The following ADAMTS3 variants were observed in gnomAD, a reference collection of about 807,000 sequenced individuals.
ADAMTS3 encodes the protein A disintegrin and metalloproteinase with thrombospondin motifs 3.
In ADAMTS3, 73 loss-of-function variants were observed where a neutral mutation model predicts 129.0. That is an observed-to-expected ratio of 0.57 (90% CI 0.47 to 0.69). The LOEUF (loss-of-function observed/expected upper bound fraction) is 0.69. Among genes scored for constraint, ADAMTS3 ranks in the 30% least tolerant of loss-of-function variants. The pLI, the probability that ADAMTS3 is intolerant of heterozygous loss-of-function variation, is 0.00. For synonymous variants in ADAMTS3, 477 were observed against 510.8 expected, an observed-to-expected ratio of 0.93 and a Z score of 0.89; for missense variants, 1,457 against 1,514.5, an observed-to-expected ratio of 0.96 and a Z score of 0.63.
At chr4:72,551,011 GA>G (rs1396728235) in intron 2 of ADAMTS3, among the ~76,000 whole-genome samples, 6 of 152,082 alleles carry the variant, frequency 3.9e-5, no homozygotes. Context: ...GGTAACCAGA[GA>G]ACACTCGCCT....
At chr4:72,482,734 T>A (rs1029491206) in intron 3 of ADAMTS3, among the ~76,000 whole-genome samples, 16 of 152,048 alleles carry the variant, frequency 1.1e-4, no homozygotes, top group African/African-American at 3.9e-4. Context: ...AGGTTTAATT[T>A]AAAAAAAATG....
In ADAMTS3 at chr4:72,283,423, C is replaced by G; in HGVS notation, c.3331G>C (p.Gly1111Arg). Residue 1111 changes from glycine (G) to arginine (R), a missense_variant, in exon 22 of 22, where the codon GGT (glycine) becomes CGT (arginine). Gly to Arg is a moderately radical substitution (Grantham distance 125). Coordinates refer to ENST00000286657, the MANE Select transcript of ADAMTS3 (RefSeq NM_014243.3). ...MSLSSISSVG[G>R]PNAYAAFRPN... is the part of the protein sequence containing the mutation. Reference sequence around the variant, plus strand: ...CTGAAAGCAGCATATGCATTTGGACCTCCCACTGAAGAGATGCTACTCAAA... The same window carrying G: ...CTGAAAGCAGCATATGCATTTGGACGTCCCACTGAAGAGATGCTACTCAAA... 6.2e-7 allele frequency: 1 copy of G among 1,614,034 alleles called. No homozygotes were observed.
intron 4 of ADAMTS3, among the ~76,000 whole-genome samples, chr4:72,356,568 T>C (rs1405452853): frequency 6.6e-6 from 1 of 151,826 alleles, no homozygotes; most frequent in Non-Finnish European, 1.5e-5. Flanking sequence ...GGCTATAAAA[T>C]AAAATAAATA....
chr4:72,313,602 A>G (rs1189695274), intron 12 of ADAMTS3, 75 bp downstream of exon 12: 1 of 1,487,642 alleles, frequency 6.7e-7, no homozygotes, highest in East Asian at 2.4e-5. Context: ...TTTATAAAAC[A>G]GAATACTAAT....
intron 20 of ADAMTS3, among the ~76,000 whole-genome samples, chr4:72,290,393 T>G (rs1436484993): frequency 6.6e-6 from 1 of 152,024 alleles, no homozygotes; most frequent in Non-Finnish European, 1.5e-5. Flanking sequence ...GGAGAGATTA[T>G]CAGGTAGGAG....
intron 5 of ADAMTS3, among the ~76,000 whole-genome samples, chr4:72,337,431 C>T (rs572037027): frequency 8.6e-5 from 13 of 152,042 alleles, no homozygotes; most frequent in African/African-American, 2.9e-4. Context: ...AAGTCCTTTA[C>T]ATTTTCACAT....
At chr4:72,375,520 G>A (rs777985434) in intron 4 of ADAMTS3, among the ~76,000 whole-genome samples, 13 of 152,100 alleles carry the variant, frequency 8.5e-5, no homozygotes, top group Non-Finnish European at 1.6e-4. Flanking sequence ...GAAAGTACTC[G>A]GTATTCTGAG....
chr4:72,403,730 T>A (rs561404448), intron 4 of ADAMTS3, among the ~76,000 whole-genome samples: 59 of 152,164 alleles, frequency 3.9e-4, no homozygotes, highest in African/African-American at 9.1e-4. Flanking sequence ...GATAAAAAAA[T>A]TTTTTAAAAT....
At chr4:72,288,230 C>A (rs751175388) in intron 21 of ADAMTS3, among the ~76,000 whole-genome samples, 13 of 152,186 alleles carry the variant, frequency 8.5e-5, no homozygotes, top group Non-Finnish European at 4.4e-5. Context: ...TTTTGCCATA[C>A]AGCAAGTTGG....
chr4:72,432,327 C>T (rs952236144), intron 3 of ADAMTS3, among the ~76,000 whole-genome samples: 1 of 151,898 alleles, frequency 6.6e-6, no homozygotes, highest in Admixed American at 6.6e-5. Context: ...TCCCTCCCGA[C>T]CACACTATGG....
chr4:72,387,896 A>G (rs1324219095), intron 4 of ADAMTS3, among the ~76,000 whole-genome samples: 2 of 152,130 alleles, frequency 1.3e-5, no homozygotes, highest in Admixed American at 6.5e-5. Flanking sequence ...GCAAGTTCCT[A>G]AAGAGTGCTA....
At chr4:72,544,542 A>G (rs1485475043) in intron 3 of ADAMTS3, among the ~76,000 whole-genome samples, 1 of 152,164 alleles carries the variant, frequency 6.6e-6, no homozygotes, top group Non-Finnish European at 1.5e-5. Context: ...TCAAACCTTG[A>G]GGCTGAGTTT....
chr4:72,433,715 T>C (rs1395059374), intron 3 of ADAMTS3, among the ~76,000 whole-genome samples: 1 of 151,928 alleles, frequency 6.6e-6, no homozygotes, highest in Non-Finnish European at 1.5e-5. Flanking sequence ...GTCATAATCT[T>C]GGTAATAGTA....
intron 5 of ADAMTS3, among the ~76,000 whole-genome samples, chr4:72,333,660 CCTT>C (rs1560476465): frequency 6.6e-6 from 1 of 152,044 alleles, no homozygotes; most frequent in African/African-American, 2.4e-5. Context: ...AAGATGCTTG[CCTT>C]CTTCTCCTAG....
intron 3 of ADAMTS3, among the ~76,000 whole-genome samples, chr4:72,547,360 T>C (rs1240858020): frequency 6.6e-6 from 1 of 152,156 alleles, no homozygotes; most frequent in African/African-American, 2.4e-5. Flanking sequence ...CATTGTCAAT[T>C]CCTTTGTACA....
chr4:72,516,545 C>G (rs1451881395), intron 3 of ADAMTS3, among the ~76,000 whole-genome samples: 1 of 152,044 alleles, frequency 6.6e-6, no homozygotes, highest in Non-Finnish European at 1.5e-5. Flanking sequence ...TTGAAGAGGT[C>G]CTTCATGTCC....
At chr4:72,516,312 C>A (rs1450072780) in intron 3 of ADAMTS3, among the ~76,000 whole-genome samples, 1 of 152,096 alleles carries the variant, frequency 6.6e-6, no homozygotes, top group Non-Finnish European at 1.5e-5. Context: ...ATTGACTTGG[C>A]AATGCGGGCT....
At chr4:72,491,319 T>C (rs1477667750) in intron 3 of ADAMTS3, among the ~76,000 whole-genome samples, 1 of 151,776 alleles carries the variant, frequency 6.6e-6, no homozygotes, top group South Asian at 2.1e-4. Context: ...ATGCTCTAGC[T>C]AAAACTTCTG....
At chr4:72,371,134 T>C (rs1423252784) in intron 4 of ADAMTS3, among the ~76,000 whole-genome samples, 6 of 152,094 alleles carry the variant, frequency 3.9e-5, no homozygotes, top group Admixed American at 1.3e-4. Context: ...TATTTTCTCA[T>C]ACTGCCACAA....
Sources: allele counts gnomAD v4.1 joint callset (sites outside exome capture counted in the v4.1 genomes callset), GRCh38; gene constraint gnomAD v4.1.1; transcripts MANE v1.5; gene names NCBI Gene and HGNC (gene_info 2026-07-23, HGNC 2026-07-21).